RORA: variants seen among roughly 807,000 people sequenced by gnomAD.
RORA encodes nuclear receptor ROR-alpha.
RORA carries 7 observed loss-of-function variants against 69.5 expected under a neutral mutation model. That is an observed-to-expected ratio of 0.10 (90% confidence interval 0.06 to 0.19). The LOEUF (loss-of-function observed/expected upper bound fraction) is 0.19. Among genes scored for constraint, RORA ranks in the 10% least tolerant of loss-of-function variants. The pLI is 1.00. For synonymous variants in RORA, 261 were observed against 240.8 expected (o/e 1.08, Z -0.78); for missense variants, 457 against 663.0 (o/e 0.69, Z 3.41).
At chr15:61,024,601 C>A (rs553775859) in intron 1 of RORA, among the ~76,000 whole-genome samples, 1 of 152,086 alleles carries the variant, frequency 6.6e-6, no homozygotes, top group Admixed American at 6.5e-5. Flanking sequence ...CAGGCATGCA[C>A]CACCACGCCC....
chr15:60,787,182 T>C (rs1306971789), intron 1 of RORA, among the ~76,000 whole-genome samples: 2 of 152,180 alleles, frequency 1.3e-5, no homozygotes, highest in Admixed American at 1.3e-4. Flanking sequence ...GGGAGCGCCA[T>C]GGGGCCAACA....
intron 2 of RORA, among the ~76,000 whole-genome samples, chr15:60,585,451 C>T (rs1365741428): frequency 6.6e-6 from 1 of 151,998 alleles, no homozygotes; most frequent in Non-Finnish European, 1.5e-5. Flanking sequence ...TTTTTTCATC[C>T]ATGTTTAAAA....
intron 2 of RORA, among the ~76,000 whole-genome samples, chr15:60,614,409 G>C (rs1167840265): frequency 6.6e-6 from 1 of 152,156 alleles, no homozygotes; most frequent in Non-Finnish European, 1.5e-5. Context: ...AGGCAAATCA[G>C]TACAAATGCA....
chr15:61,007,434 CCAT>C (rs1894942789), intron 1 of RORA, among the ~76,000 whole-genome samples: 1 of 152,012 alleles, frequency 6.6e-6, no homozygotes, highest in African/African-American at 2.4e-5. Context: ...AAAGAACCAT[CCAT>C]CTCATTAAGA....
At chr15:60,851,357 G>C (rs894350223) in intron 1 of RORA, among the ~76,000 whole-genome samples, 7 of 152,150 alleles carry the variant, frequency 4.6e-5, no homozygotes, top group African/African-American at 1.7e-4. Flanking sequence ...GTGCAAGAAG[G>C]CAAAACTGCT....
chr15:61,030,016 C>T lies in RORA; in HGVS notation c.166+199037G>A, dbSNP rs147375054. Among the ~76,000 whole-genome samples, 346 of 152,252 alleles carry T rather than the reference C, an allele frequency of 2.3e-3. 1 individual carries two copies. Among genetic ancestry groups the T allele is most frequent in the African/African-American group, 8.2e-3 (339 of 41,548 alleles). The stretch of plus-strand genomic sequence containing the variant: ...GAGACTGAGCTCTGAGGAGCCCTGA[C>T]ACTTCATAGCCTGAAACTGCATAAT... On this transcript the variant is annotated intron_variant, in intron 1 of 10. Transcript: ENST00000335670.
At chr15:61,217,253 C>T (rs1040697131) in intron 1 of RORA, among the ~76,000 whole-genome samples, 2 of 152,148 alleles carry the variant, frequency 1.3e-5, no homozygotes, top group African/African-American at 4.8e-5. Flanking sequence ...TAAGACTAGG[C>T]TCATACCTGG....
intron 1 of RORA, chr15:60,841,048 T>C: frequency 1.0e-6 from 1 of 980,180 alleles, no homozygotes; most frequent in Non-Finnish European, 1.2e-6. Context: ...GCATTGAAAG[T>C]AAAAACATTC....
intron 1 of RORA, among the ~76,000 whole-genome samples, chr15:61,013,929 G>A (rs1192455910): frequency 4.6e-5 from 7 of 151,694 alleles, no homozygotes; most frequent in South Asian, 4.2e-4. Context: ...GTCTACAGGC[G>A]CCCGCCACCA....
intron 1 of RORA, among the ~76,000 whole-genome samples, chr15:61,157,955 C>T (rs1351832480): frequency 1.3e-5 from 2 of 152,120 alleles, no homozygotes; most frequent in East Asian, 3.9e-4. Context: ...TGTGTATGTT[C>T]CTCAGCTGGA....
At chr15:60,643,017 C>G (rs943664425) in intron 2 of RORA, among the ~76,000 whole-genome samples, 3 of 152,022 alleles carry the variant, frequency 2.0e-5, no homozygotes, top group African/African-American at 7.3e-5. Context: ...ATTAGTTGGG[C>G]CTGGTGAAGT....
intron 1 of RORA, among the ~76,000 whole-genome samples, chr15:60,902,993 T>C (rs1891434119): frequency 6.6e-6 from 1 of 152,216 alleles, no homozygotes; most frequent in African/African-American, 2.4e-5. Flanking sequence ...CAGAGTGCTT[T>C]GGAGAGAAAG....
intron 9 of RORA, among the ~76,000 whole-genome samples, chr15:60,500,205 T>C (rs1335333885): frequency 6.6e-6 from 1 of 152,158 alleles, no homozygotes; most frequent in Admixed American, 6.5e-5. Context: ...GTTAAACCTT[T>C]CCATTTTTAC....
At chr15:60,878,798 G>C (rs1022444537) in intron 1 of RORA, among the ~76,000 whole-genome samples, 7 of 152,200 alleles carry the variant, frequency 4.6e-5, no homozygotes, top group African/African-American at 1.7e-4. Flanking sequence ...GTAATGTCTT[G>C]CAGGGCGTTA....
chr15:61,224,934 G>T (rs2080132279), intron 1 of RORA, among the ~76,000 whole-genome samples: 1 of 152,150 alleles, frequency 6.6e-6, no homozygotes, highest in African/African-American at 2.4e-5. Context: ...AGACGTAGAG[G>T]CATTTTCTAA....
chr15:61,169,069 G>A (rs1233617148), intron 1 of RORA, among the ~76,000 whole-genome samples: 1 of 151,868 alleles, frequency 6.6e-6, no homozygotes, highest in Non-Finnish European at 1.5e-5. Context: ...GGAACTTGCT[G>A]TATTCCCCCT....
At chr15:60,561,856 C>T (rs2067570206) in intron 2 of RORA, among the ~76,000 whole-genome samples, 1 of 152,116 alleles carries the variant, frequency 6.6e-6, no homozygotes, top group African/African-American at 2.4e-5. Context: ...CATTTTGTTC[C>T]TGACTAGATG....
At chr15:61,200,003 G>C (rs2079880298) in intron 1 of RORA, among the ~76,000 whole-genome samples, 1 of 152,172 alleles carries the variant, frequency 6.6e-6, no homozygotes, top group African/African-American at 2.4e-5. Flanking sequence ...GTTTTGCAGG[G>C]TGCCCTTTCT....
At chr15:61,113,179 C>A (rs376415060) in intron 1 of RORA, among the ~76,000 whole-genome samples, 4 of 152,218 alleles carry the variant, frequency 2.6e-5, no homozygotes, top group South Asian at 4.1e-4. Context: ...TAAATGCAGA[C>A]CTTAATCTAA....
Sources: allele counts gnomAD v4.1 joint callset (sites outside exome capture counted in the v4.1 genomes callset), GRCh38; gene constraint gnomAD v4.1.1; transcripts MANE v1.5; gene names NCBI Gene and HGNC (gene_info 2026-07-23, HGNC 2026-07-21).